Variants in TENM1 observed in about 807,000 individuals in gnomAD.
TENM1 encodes teneurin-1.
Under a neutral mutation model 174.8 loss-of-function variants are expected in TENM1, and 35 were observed. The ratio of observed to expected loss-of-function variants is 0.20; its 90% CI spans 0.15 to 0.27. The LOEUF (loss-of-function observed/expected upper bound fraction) is 0.27. Ranked by LOEUF, TENM1 falls within the 10% of genes least tolerant of loss-of-function variation. The pLI is 1.00. For synonymous variants in TENM1, 781 were observed against 798.7 expected, an observed-to-expected ratio of 0.98 and a Z score of 0.37; for missense variants, 1,633 against 2,130.1, an observed-to-expected ratio of 0.77 and a Z score of 4.59.
intron 10 of TENM1, 94 bp downstream of exon 13, chrX:124,645,048 AG>A: frequency 1.1e-6 from 1 of 888,691 alleles, no homozygotes. Context: ...TTGTTTGCAA[AG>A]GCCACTTGCA....
At chrX:124,777,711 T>C (rs1189859187) in intron 3 of TENM1, among the ~76,000 whole-genome samples, 2 of 112,593 alleles carry the variant, frequency 1.8e-5, no homozygotes, top group Non-Finnish European at 3.7e-5. Context: ...CCTTTCCTGA[T>C]GATAATTAAC....
At position 124,642,761 on chromosome X, in the gene TENM1, T is replaced by C. The variant is rs561243664; in HGVS notation, c.1877-770A>G. Reference sequence around the variant, plus strand: ...TTCTTGTGCTTGCCTGGGGGAAAAATTGTTTTGTGATTTTAACTAGTAACC... The same window carrying C: ...TTCTTGTGCTTGCCTGGGGGAAAAACTGTTTTGTGATTTTAACTAGTAACC... On this transcript the variant is annotated intron_variant, in intron 10 of 31. Coordinates refer to ENST00000422452, the Ensembl canonical transcript of TENM1. 1.0e-3 allele frequency among the ~76,000 whole-genome samples: 113 copies of C among 111,831 alleles called. 1 individual carries two copies. Among genetic ancestry groups the C allele is most frequent in the African/African-American group, 3.4e-3 (104 of 30,768 alleles).
At chrX:124,515,273 C>G (rs1280036769) in intron 18 of TENM1, among the ~76,000 whole-genome samples, 1 of 111,610 alleles carries the variant, frequency 9.0e-6, no homozygotes, top group Non-Finnish European at 1.9e-5. Context: ...GAAGCATTCC[C>G]CTTGAAAACT....
chrX:124,896,269 C>T lies in TENM1; in HGVS notation c.218-28G>A, dbSNP rs201172109. 126 of 1,180,908 alleles carry T rather than the reference C, an allele frequency of 1.1e-4. No individual in the cohort carries two copies. The Middle Eastern group carries it at 1.2e-3, about 11-fold the overall frequency. ...GAGAAGAAACAAAGTTCAGAGAAAA[C>T]GTTTAGAAGTATGAAGAAATCCCCC... On this transcript the variant is annotated intron_variant, in intron 1 of 31. Transcript: ENST00000422452.
At chrX:124,439,546 G>A (rs1424574816) in intron 23 of TENM1, among the ~76,000 whole-genome samples, 1 of 111,575 alleles carries the variant, frequency 9.0e-6, no homozygotes, top group Non-Finnish European at 1.9e-5. Flanking sequence ...TTCTGGGAAG[G>A]TCACAGCAGG....
the TENM1 span, among the ~76,000 whole-genome samples, chrX:125,086,200 TACC>T: frequency 2.7e-5 from 3 of 111,133 alleles, 1 homozygote; most frequent in Admixed American, 1.9e-4. Flanking sequence ...CTTAAAATTT[TACC>T]ACACTAGTAA....
At chrX:124,610,311 G>A (rs914575378) in intron 11 of TENM1, among the ~76,000 whole-genome samples, 3 of 112,033 alleles carry the variant, frequency 2.7e-5, no homozygotes, top group Non-Finnish European at 5.6e-5. Flanking sequence ...CATGCAATAC[G>A]TATTTATACA....
At chrX:124,656,086 T>C (rs1250501822) in intron 6 of TENM1, among the ~76,000 whole-genome samples, 2 of 112,490 alleles carry the variant, frequency 1.8e-5, no homozygotes, top group Non-Finnish European at 3.8e-5. Context: ...AACAATATTA[T>C]AAATATAAAA....
At chrX:125,079,426 C>T in the TENM1 span, among the ~76,000 whole-genome samples, 3 of 111,932 alleles carry the variant, frequency 2.7e-5, no homozygotes, top group Admixed American at 1.9e-4. Context: ...ATAAAATATA[C>T]TGGTCATACT....
At chrX:124,832,872 G>A (rs1217497659) in intron 3 of TENM1, among the ~76,000 whole-genome samples, 1 of 112,485 alleles carries the variant, frequency 8.9e-6, no homozygotes, top group Non-Finnish European at 1.9e-5. Context: ...ACCACAGCCA[G>A]CCAGAAAGCC....
chrX:124,838,226 A>G (rs900280271), intron 3 of TENM1, among the ~76,000 whole-genome samples: 1 of 112,482 alleles, frequency 8.9e-6, no homozygotes, highest in Non-Finnish European at 1.9e-5. Context: ...TTGCCCTGTA[A>G]TCATAGAAAT....
intron 1 of TENM1, among the ~76,000 whole-genome samples, chrX:124,950,003 T>C (rs2058459107): frequency 9.0e-6 from 1 of 110,621 alleles, no homozygotes; most frequent in Non-Finnish European, 1.9e-5. Flanking sequence ...AAAGGCACCC[T>C]TGATGGAGAA....
At chrX:124,399,694 C>T (rs2147651156) in intron 27 of TENM1, among the ~76,000 whole-genome samples, 1 of 112,128 alleles carries the variant, frequency 8.9e-6, no homozygotes, top group Admixed American at 9.4e-5. Flanking sequence ...AGGCTAGGCA[C>T]GGTGACTCGT....
chrX:124,770,710 A>T (rs1262653538), intron 3 of TENM1, among the ~76,000 whole-genome samples: 33 of 98,682 alleles, frequency 3.3e-4, no homozygotes, highest in Non-Finnish European at 6.0e-4. Flanking sequence ...CACCCAGACC[A>T]TTTTTTTTTT....
chrX:124,941,077 T>C (rs2058318501), intron 1 of TENM1, among the ~76,000 whole-genome samples: 1 of 111,187 alleles, frequency 9.0e-6, no homozygotes, highest in South Asian at 3.8e-4. Flanking sequence ...CTTTTAGCTA[T>C]TGCCCCTCTC....
intron 23 of TENM1, among the ~76,000 whole-genome samples, chrX:124,425,550 T>G (rs2060702840): frequency 8.9e-6 from 1 of 112,390 alleles, no homozygotes; most frequent in African/African-American, 3.2e-5. Context: ...CATTCCACCA[T>G]GTTATGATGC....
the TENM1 span, among the ~76,000 whole-genome samples, chrX:125,007,732 C>A: frequency 9.0e-6 from 1 of 111,699 alleles, no homozygotes; most frequent in Non-Finnish European, 1.9e-5. Flanking sequence ...GGCCAATATT[C>A]AACATTCTTA....
chrX:124,942,639 G>A (rs2058347272), intron 1 of TENM1, among the ~76,000 whole-genome samples: 1 of 111,546 alleles, frequency 9.0e-6, no homozygotes, highest in Non-Finnish European at 1.9e-5. Context: ...GTAATTTAGA[G>A]GAGAACTAAA....
intron 23 of TENM1, among the ~76,000 whole-genome samples, chrX:124,442,939 C>T (rs1001126038): frequency 1.8e-5 from 2 of 110,232 alleles, no homozygotes; most frequent in Admixed American, 1.9e-4. Flanking sequence ...GTTGGGATTA[C>T]AGGCATAAGC....
Sources: allele counts gnomAD v4.1 joint callset (sites outside exome capture counted in the v4.1 genomes callset), GRCh38; gene constraint gnomAD v4.1.1; transcripts MANE v1.5; gene names NCBI Gene and HGNC (gene_info 2026-07-23, HGNC 2026-07-21).